The following TMC6 variants were observed in gnomAD, a reference collection of about 807,000 sequenced individuals.
The protein encoded by TMC6 is transmembrane channel like 6, also known as transmembrane channel-like protein 6.
Under a neutral mutation model 95.4 loss-of-function variants are expected in TMC6, and 71 were observed. That is an observed-to-expected ratio of 0.74 (90% confidence interval 0.61 to 0.91). The LOEUF (loss-of-function observed/expected upper bound fraction) is 0.91. Among genes scored for constraint, TMC6 ranks in the 40% least tolerant of loss-of-function variants. The pLI is 0.00. For synonymous variants in TMC6, 514 were observed against 483.1 expected, an observed-to-expected ratio of 1.06 and a Z score of -0.84; for missense variants, 1,074 against 1,079.1, an observed-to-expected ratio of 1.00 and a Z score of 0.07.
At position 78,128,127 on chromosome 17, in the gene TMC6, C is replaced by T. The variant is rs1042132465; in HGVS notation, c.-75+485G>A. ...GCAAGTCCAGCGGAGTTTCCAGGCG[C>T]ACCATTCCTGAGCTAGGTGGGGAGA... On this transcript the variant is annotated intron_variant, in intron 1 of 19. Transcript: ENST00000590602. This position sits in a 1 kb window ranked among gnomAD's most constrained non-coding sequence, Gnocchi z 4.0. Among the ~76,000 whole-genome samples, 4 of 152,220 alleles carry T rather than the reference C, an allele frequency of 2.6e-5. No individual in the cohort carries two copies. Among genetic ancestry groups the T allele is most frequent in the Admixed American group, 2.0e-4 (3 of 15,284 alleles).
At chr17:78,113,471 T>A (rs1023572989) in intron 19 of TMC6, 77 bp downstream of exon 19, 2 of 1,527,332 alleles carry the variant, frequency 1.3e-6, no homozygotes, top group Admixed American at 3.4e-5. Flanking sequence ...GTAGCCCCAG[T>A]GGCAGCCCTA....
intron 15 of TMC6, among the ~76,000 whole-genome samples, chr17:78,118,493 T>C (rs1301251718): frequency 6.6e-6 from 1 of 151,932 alleles, no homozygotes; most frequent in Non-Finnish European, 1.5e-5. Flanking sequence ...GAGGCGGAGC[T>C]TGCAGTGAGC....
At chr17:78,115,085 G>C (rs938419809) in intron 18 of TMC6, among the ~76,000 whole-genome samples, 6 of 152,240 alleles carry the variant, frequency 3.9e-5, no homozygotes, top group African/African-American at 1.4e-4. Flanking sequence ...CAGGCTTTCA[G>C]CTCTATGTGG....
At chr17:78,128,801 G>T (rs1295162704), upstream of TMC6, 6 of 25,816 alleles carry the variant, frequency 2.3e-4, 1 homozygote, top group African/African-American at 9.6e-4. The surrounding 1 kb of genome is among the most constrained non-coding windows in gnomAD (Gnocchi z 4.0). Context: ...ACGTGGGCGG[G>T]GGGGGGGGGG....
Position 78,125,801 on chromosome 17 carries a change from T to C in TMC6, c.355A>G (p.Asn119Asp). 6.4e-7 allele frequency: 1 copy of C among 1,559,832 alleles called. No homozygotes were observed. The highest frequency in any genetic ancestry group is 8.7e-7 in the Non-Finnish European group (1 of 1,152,202). The change falls in exon 5 of 20, where the codon AAC becomes GAC. Residue 119 changes from asparagine to aspartate, a missense_variant. Transcript: ENST00000590602. ...CTGGGCCAGGCGGAGCGGACAAAGT[T>C]CCCGAGCAGGGGCCGGCTGCTCCTG... ...RCRSSRPLLG[N>D]FVRSAWPSLR...
chr17:78,131,857 C>T (rs549437459), upstream of TMC6: 20 of 1,466,468 alleles, frequency 1.4e-5, no homozygotes, highest in African/African-American at 2.8e-5. Flanking sequence ...GACTCAGGGG[C>T]GCCCCTGTCA....
intron 18 of TMC6, 126 bp from the exon 19 acceptor site, chr17:78,113,750 TAAAAG>T (rs1352322974): frequency 2.0e-5 from 20 of 1,009,234 alleles, no homozygotes; most frequent in Middle Eastern, 2.3e-4. Context: ...AGCAAAAACA[TAAAAG>T]AAAAGGTGAA....
rs2074442168 is a variant in TMC6 at position 78,122,075 on chromosome 17, A to G, written c.1228-364T>C. On this transcript the variant is annotated intron_variant, in intron 10 of 19. Coordinates refer to ENST00000590602, the MANE Select transcript of TMC6 (RefSeq NM_001127198.5). The surrounding 1 kb of genome is among the most constrained non-coding windows in gnomAD (Gnocchi z 4.9). The stretch of plus-strand genomic sequence containing the variant: ...GCCCCCAGTGACCAGAAGCCCCCCT[A>G]CACGGAATGGCTCATGACAGGTCAC... Among the ~76,000 whole-genome samples, 1 of 152,066 alleles carries G rather than the reference A, an allele frequency of 6.6e-6. No individual in the cohort carries two copies.
chr17:78,111,928 GTCA>G lies in TMC6; in HGVS notation c.*1217_*1219del. The G allele has an allele frequency of 8.9e-6, 2 of 225,074 alleles. No individual in the cohort carries two copies. Among genetic ancestry groups the G allele is most frequent in the Non-Finnish European group, 1.7e-5 (2 of 116,162 alleles). 13.9% of individuals were successfully genotyped at this position (225,074 alleles called of 1,614,324 possible). Reference sequence around the variant, plus strand: ...GTCCCCACAGACCTGGAGCACTGGGGTCATGACGGGCTGGTCCCCGCAGGCCTG... The same window carrying G: ...GTCCCCACAGACCTGGAGCACTGGGGTGACGGGCTGGTCCCCGCAGGCCTG... On this transcript the variant is annotated 3_prime_UTR_variant, in exon 20 of 20. Coordinates refer to ENST00000590602, the MANE Select transcript of TMC6 (RefSeq NM_001127198.5).
At chr17:78,130,334 C>T (rs1169909171), upstream of TMC6, among the ~76,000 whole-genome samples, 1 of 152,168 alleles carries the variant, frequency 6.6e-6, no homozygotes, top group East Asian at 1.9e-4. Flanking sequence ...AGGGTGAGGC[C>T]GGCAGATAAA....
In TMC6 at chr17:78,117,911, C is replaced by A. The variant is rs1173955031; in HGVS notation, c.1912G>T (p.Ala638Ser). ...GAGGCCAGCCAGGGCCGGCGCGGCG[C>A]CTGGCAGTTGGCCAGAAGGCTGGTC... Reference protein sequence around the residue: ...KKTSLLANCQAPRRPWLASHM... With the variant: ...KKTSLLANCQSPRRPWLASHM... The change falls in exon 16 of 20, where the codon GCG becomes TCG. Residue 638 changes from alanine (A) to serine (S), a missense_variant. Ala to Ser is a moderately conservative substitution (Grantham distance 99). Coordinates refer to ENST00000590602, the MANE Select transcript of TMC6 (RefSeq NM_001127198.5). 1.2e-6 allele frequency: 2 copies of A among 1,603,912 alleles called. No individual in the cohort carries two copies. Among genetic ancestry groups the A allele is most frequent in the Admixed American group, 3.4e-5 (2 of 58,348 alleles).
Position 78,121,092 on chromosome 17 carries a change from C to T in TMC6, c.1456G>A (p.Ala486Thr), listed in dbSNP as rs368245596. The T allele has an allele frequency of 9.3e-6, 15 of 1,612,446 alleles. No homozygotes were observed. The highest frequency in any genetic ancestry group is 1.2e-5 in the Non-Finnish European group (14 of 1,179,766). Residue 486 changes from alanine to threonine, a missense_variant, in exon 12 of 20, where the codon GCC (alanine) becomes ACC (threonine). Coordinates refer to ENST00000590602, the MANE Select transcript of TMC6 (RefSeq NM_001127198.5). The surrounding 1 kb of genome is among the most constrained non-coding windows in gnomAD (Gnocchi z 5.6). ...GCCAGGACACGGCACAGGTAGGGGG[C>T]CCCCAGGTTGAGGAGGCCAACCACC... ...PLVVGLLNLG[A>T]PYLCRVLAAL...
rs2073824256 is a variant in TMC6, at chr17:78,111,511, C to G, written c.*1637G>C. On this transcript the variant is annotated 3_prime_UTR_variant, in exon 20 of 20. Transcript: ENST00000590602. The stretch of plus-strand genomic sequence containing the variant: ...GTCACGTCACTTTCTGGACTGCCCA[C>G]GCAGCTTCACCCAGCAGCACTCGCA... 1 of 152,514 alleles carries G rather than the reference C, an allele frequency of 6.6e-6. No homozygotes were observed. Among genetic ancestry groups the G allele is most frequent in the Non-Finnish European group, 1.5e-5 (1 of 68,238 alleles). The allele number at this position is 152,514 out of a possible 1,614,324, so 9.4% of individuals were successfully genotyped here. A position where few individuals can be genotyped will look rare whatever the true frequency, so the allele number is the denominator to read the frequency against.
At chr17:78,132,138 G>T (rs2075009996), upstream of TMC6, 1 of 1,501,496 alleles carries the variant, frequency 6.7e-7, no homozygotes, top group South Asian at 1.2e-5. Context: ...CGGGTCCCCC[G>T]ACCAATCGGC....
chr17:78,112,869 G>A lies in TMC6; in HGVS notation c.*279C>T. On this transcript the variant is annotated 3_prime_UTR_variant, in exon 20 of 20. Coordinates refer to ENST00000590602, the MANE Select transcript of TMC6 (RefSeq NM_001127198.5). ...GCCTGGAGGTGGCCCCAGGGCAGCGGGAAGCAGGCCCCGGGTGTGGTCACA... is the reference window on the plus strand; with the variant it reads ...GCCTGGAGGTGGCCCCAGGGCAGCGAGAAGCAGGCCCCGGGTGTGGTCACA... The A allele has an allele frequency of 2.0e-6, 1 of 502,656 alleles. No homozygotes were observed. The highest frequency in any genetic ancestry group is 3.5e-6 in the Non-Finnish European group (1 of 283,364). 31.1% of individuals were successfully genotyped at this position (502,656 alleles called of 1,614,324 possible).
At position 78,126,288 on chromosome 17, in the gene TMC6, C is replaced by T; in HGVS notation, c.260G>A (p.Ser87Asn). 6.4e-7 allele frequency: 1 copy of T among 1,560,414 alleles called. No individual in the cohort carries two copies. The highest frequency in any genetic ancestry group is 1.9e-5 in the Admixed American group (1 of 53,176). ...AGGGTCCCACTCACCAATGGTGCGG[C>T]TGGGCATGCTGGCCAGGATGCGGAG... ...ATLRILASMP[S>N]RTIGRSRGAI... Residue 87 changes from serine (S) to asparagine (N), a missense_variant, in exon 4 of 20, where the codon AGC becomes AAC. By Grantham distance (46) the Ser-to-Asn change is conservative (BLOSUM62 1). Transcript: ENST00000590602.
chr17:78,113,473 G>A, intron 19 of TMC6, 75 bp downstream of exon 19: 1 of 1,537,434 alleles, frequency 6.5e-7, no homozygotes, highest in Non-Finnish European at 9.0e-7. Context: ...AGCCCCAGTG[G>A]CAGCCCTACT....
At position 78,112,754 on chromosome 17, in the gene TMC6, A is replaced by C. The variant is rs1598812071; in HGVS notation, c.*394T>G. On this transcript the variant is annotated 3_prime_UTR_variant, in exon 20 of 20. Coordinates refer to ENST00000590602, the MANE Select transcript of TMC6 (RefSeq NM_001127198.5). ...CTGGTCAAAGGCAGCAAGCGAATCA[A>C]GCCCTGGCGCGGTCCAGCCCCTGCC... is the stretch of plus-strand genomic sequence containing the variant. 3 of 301,672 alleles carry C rather than the reference A, an allele frequency of 9.9e-6. No homozygotes were observed. Among genetic ancestry groups the C allele is most frequent in the South Asian group, 8.4e-5 (2 of 23,818 alleles). 18.7% of individuals were successfully genotyped at this position (301,672 alleles called of 1,614,324 possible).
At chr17:78,115,297 G>A (rs1261496012) in intron 18 of TMC6, among the ~76,000 whole-genome samples, 1 of 152,224 alleles carries the variant, frequency 6.6e-6, no homozygotes, top group East Asian at 1.9e-4. Flanking sequence ...CGCCTTGGCA[G>A]ACGCCAGCCG....
Sources: gnomAD v4.1 joint callset for allele counts (sites outside exome capture counted in the v4.1 genomes callset) on GRCh38, gnomAD v4.1.1 for gene constraint, Gnocchi (gnomAD v3.1) non-coding constraint, MANE v1.5 for transcripts, NCBI Gene and HGNC (gene_info 2026-07-23, HGNC 2026-07-21) for gene names.